Variants in PCDH15 observed in about 807,000 individuals in gnomAD.
PCDH15 encodes protocadherin related 15, also known as protocadherin-15.
A neutral mutation model predicts 178.5 loss-of-function variants in PCDH15; 129 were observed. That is an observed-to-expected ratio of 0.72 (90% CI 0.63 to 0.84). The LOEUF is 0.84. Among genes scored for constraint, PCDH15 ranks in the 40% least tolerant of loss-of-function variants. The probability of loss-of-function intolerance (pLI) is 0.00; values close to 1 mark genes in which losing one functional copy is unlikely to be tolerated. For missense variants in PCDH15, 2,230 were observed against 2,099.9 expected (o/e 1.06, Z -1.21); for synonymous variants, 800 against 732.0 (o/e 1.09, Z -1.50).
At chr10:54,025,794 G>GC (rs1438506130) in intron 18 of PCDH15, among the ~76,000 whole-genome samples, 1 of 152,064 alleles carries the variant, frequency 6.6e-6, no homozygotes, top group African/African-American at 2.4e-5. Flanking sequence ...ACTGCGCCTG[G>GC]CCATTTCTTC....
At chr10:55,295,569 A>T (rs932840999) in intron 1 of PCDH15, among the ~76,000 whole-genome samples, 5 of 152,228 alleles carry the variant, frequency 3.3e-5, no homozygotes, top group African/African-American at 4.8e-5. Context: ...GTAATGAAAA[A>T]TGATTTACCT....
intron 3 of PCDH15, among the ~76,000 whole-genome samples, chr10:54,420,812 A>G (rs1475645710): frequency 2.0e-5 from 3 of 152,132 alleles, no homozygotes; most frequent in Admixed American, 6.6e-5. Context: ...CTCAACATAA[A>G]TGGAAATCAG....
intron 2 of PCDH15, among the ~76,000 whole-genome samples, chr10:55,142,859 A>G (rs142176890): frequency 2.7e-4 from 41 of 152,048 alleles, no homozygotes; most frequent in African/African-American, 8.4e-4. Context: ...AGATGGAGTG[A>G]AGAAATAAAT....
chr10:54,955,660 T>G lies in PCDH15; in HGVS notation c.-79-58160A>C, dbSNP rs139383764. On this transcript the variant is annotated intron_variant, in intron 2 of 5. Coordinates refer to the PCDH15 transcript ENST00000458638. Reference sequence around the variant, plus strand: ...TTCTTTTTATGTAGTATGTAATTTTTTCAGTAAATAATCAAAAATATAATT... The same window carrying G: ...TTCTTTTTATGTAGTATGTAATTTTGTCAGTAAATAATCAAAAATATAATT... Among the ~76,000 whole-genome samples the G allele has an allele frequency of 7.6e-3, 1,152 of 151,488 alleles. 17 individuals carry two copies. The highest frequency in any genetic ancestry group is 0.026 in the African/African-American group (1,095 of 41,508).
At chr10:55,540,329 T>C (rs1395082480) in intron 2 of PCDH15, among the ~76,000 whole-genome samples, 3 of 152,136 alleles carry the variant, frequency 2.0e-5, no homozygotes, top group Non-Finnish European at 4.4e-5. Context: ...TTCCACCCCA[T>C]AGATGAAATA....
intron 3 of PCDH15, among the ~76,000 whole-genome samples, chr10:54,396,440 T>C (rs1396850689): frequency 6.6e-6 from 1 of 152,108 alleles, no homozygotes; most frequent in Non-Finnish European, 1.5e-5. Flanking sequence ...TTAATCTCTC[T>C]TTTGGTCCAT....
chr10:55,061,865 C>T (rs1841443676), intron 2 of PCDH15, among the ~76,000 whole-genome samples: 1 of 152,146 alleles, frequency 6.6e-6, no homozygotes, highest in African/African-American at 2.4e-5. Flanking sequence ...ACTAAAAATA[C>T]AAAACTTAGC....
intron 13 of PCDH15, among the ~76,000 whole-genome samples, chr10:54,166,525 A>G (rs894393815): frequency 1.6e-4 from 24 of 152,336 alleles, no homozygotes; most frequent in African/African-American, 5.5e-4. Context: ...TTCCTTTGCC[A>G]AACTGGATGA....
intron 2 of PCDH15, among the ~76,000 whole-genome samples, chr10:54,962,511 G>C (rs1838682497): frequency 6.6e-6 from 1 of 152,240 alleles, no homozygotes; most frequent in Non-Finnish European, 1.5e-5. Flanking sequence ...GTGATATATT[G>C]TGACACTTTT....
chr10:55,367,625 A>C (rs1464518833), intron 2 of PCDH15, among the ~76,000 whole-genome samples: 1 of 151,836 alleles, frequency 6.6e-6, no homozygotes, highest in African/African-American at 2.4e-5. Context: ...AAAAACAAAC[A>C]AAAAAAAGAG....
intron 23 of PCDH15, among the ~76,000 whole-genome samples, chr10:53,944,953 G>A (rs1048888965): frequency 2.0e-5 from 3 of 152,114 alleles, no homozygotes; most frequent in African/African-American, 7.2e-5. Context: ...ACTCCACAAC[G>A]GCAATGCTTC....
intron 2 of PCDH15, among the ~76,000 whole-genome samples, chr10:54,963,480 C>G (rs185060590): frequency 6.6e-6 from 1 of 152,086 alleles, no homozygotes; most frequent in Non-Finnish European, 1.5e-5. Context: ...AGCAACTCTT[C>G]GTGTAAATTA....
intron 1 of PCDH15, among the ~76,000 whole-genome samples, chr10:54,688,154 C>T (rs1384873592): frequency 6.6e-6 from 1 of 151,762 alleles, no homozygotes; most frequent in Non-Finnish European, 1.5e-5. Flanking sequence ...AATTGTCAGC[C>T]CAATGAAGGC....
chr10:54,515,528 G>A (rs1415895456), intron 3 of PCDH15, among the ~76,000 whole-genome samples: 2 of 152,236 alleles, frequency 1.3e-5, no homozygotes. Flanking sequence ...GAGGCCTGCG[G>A]CCTCTGTAGG....
At chr10:55,093,585 T>G (rs1842370869) in intron 2 of PCDH15, among the ~76,000 whole-genome samples, 1 of 152,152 alleles carries the variant, frequency 6.6e-6, no homozygotes, top group Non-Finnish European at 1.5e-5. Flanking sequence ...TTGCTAGGTT[T>G]TCTTCTAGTG....
intron 3 of PCDH15, among the ~76,000 whole-genome samples, chr10:54,504,831 T>C (rs1271156240): frequency 6.6e-6 from 1 of 152,098 alleles, no homozygotes; most frequent in Non-Finnish European, 1.5e-5. Flanking sequence ...CTCTCTGTAC[T>C]CTCTCTGTAC....
At chr10:54,379,541 C>T (rs1948918498) in intron 3 of PCDH15, among the ~76,000 whole-genome samples, 1 of 152,066 alleles carries the variant, frequency 6.6e-6, no homozygotes, top group Admixed American at 6.6e-5. Flanking sequence ...TAGAACAACG[C>T]ACTAGGCCAG....
At chr10:54,160,193 G>C (rs540132066) in intron 13 of PCDH15, among the ~76,000 whole-genome samples, 8 of 152,062 alleles carry the variant, frequency 5.3e-5, no homozygotes, top group African/African-American at 1.9e-4. Flanking sequence ...CCCCCAACAA[G>C]CTGGGGACAG....
chr10:54,191,080 A>G (rs573763723), intron 11 of PCDH15, among the ~76,000 whole-genome samples: 68 of 152,332 alleles, frequency 4.5e-4, no homozygotes, highest in African/African-American at 1.5e-3. Context: ...TCTTTGAAGC[A>G]TCTGTTAGAT....
Sources: allele counts gnomAD v4.1 joint callset (sites outside exome capture counted in the v4.1 genomes callset), GRCh38; gene constraint gnomAD v4.1.1; transcripts MANE v1.5; gene names NCBI Gene and HGNC (gene_info 2026-07-23, HGNC 2026-07-21).